Variants in HTR7 observed in about 807,000 individuals in gnomAD.
HTR7 encodes the protein 5-hydroxytryptamine receptor 7.
In HTR7, 16 loss-of-function variants were observed where a neutral mutation model predicts 34.0. That is an observed-to-expected ratio of 0.47 (90% CI 0.32 to 0.71). The LOEUF (loss-of-function observed/expected upper bound fraction) is 0.71. Among genes scored for constraint, HTR7 ranks in the 30% least tolerant of loss-of-function variants. The pLI is 0.04. For missense variants in HTR7, 504 were observed against 625.5 expected (o/e 0.81, Z 2.07); for synonymous variants, 265 against 260.2 (o/e 1.02, Z -0.18).
intron 1 of HTR7, among the ~76,000 whole-genome samples, chr10:90,777,947 CT>C (rs1412885104): frequency 6.6e-6 from 1 of 152,200 alleles, no homozygotes; most frequent in Non-Finnish European, 1.5e-5. Flanking sequence ...TCATCTCTTC[CT>C]CTTCTGTCCA....
chr10:90,857,890 T>G lies in HTR7; in HGVS notation c.-219A>C, dbSNP rs1259166837. On this transcript the variant is annotated 5_prime_UTR_variant, in exon 1 of 4. Transcript: ENST00000336152. This position sits in a 1 kb window ranked among gnomAD's most constrained non-coding sequence, Gnocchi z 6.5. ...GCAGCGCGGCCTCACGGGGACTCCC[T>G]GCGGGAGGCGCTTCGGCCCCCGACG... Among the ~76,000 whole-genome samples the G allele has an allele frequency of 6.6e-6, 1 of 151,234 alleles. No homozygotes were observed. Among genetic ancestry groups the G allele is most frequent in the African/African-American group, 2.4e-5 (1 of 41,310 alleles).
In HTR7 at chr10:90,780,516, G is replaced by A. The variant is rs577223517; in HGVS notation, c.540-30922C>T. ...CGTGGCACTGCACTCTAGCCTGGGCGACAGAGTGAGACTCCATCTCAAAAA... is the reference window on the plus strand; with the variant it reads ...CGTGGCACTGCACTCTAGCCTGGGCAACAGAGTGAGACTCCATCTCAAAAA... On this transcript the variant is annotated intron_variant, in intron 1 of 3. Coordinates refer to ENST00000336152, the MANE Select transcript of HTR7 (RefSeq NM_019859.4). 3.5e-5 allele frequency among the ~76,000 whole-genome samples: 5 copies of A among 140,966 alleles called. 1 individual carries two copies. The South Asian group carries it at 6.7e-4, about 19-fold the overall frequency. 92.5% of individuals were successfully genotyped at this position (140,966 alleles called of 152,430 possible).
intron 1 of HTR7, among the ~76,000 whole-genome samples, chr10:90,751,002 A>G (rs1215348079): frequency 6.6e-6 from 1 of 152,170 alleles, no homozygotes; most frequent in African/African-American, 2.4e-5. Context: ...ATCATGTCAG[A>G]TGAAGGGGAA....
rs17099478 is a variant in HTR7, at chr10:90,753,130, A to G, written c.540-3536T>C. On this transcript the variant is annotated intron_variant, in intron 1 of 3. Transcript: ENST00000336152. ...ATATTCACAGATTTCCTACAGGTCA[A>G]TACAAAACACAGCCATCCCATAGTA... Among the ~76,000 whole-genome samples the G allele has an allele frequency of 1.5e-3, 226 of 152,346 alleles. 3 individuals are homozygous for G. The East Asian group carries it at 0.033, about 22-fold the overall frequency.
At chr10:90,773,000 C>T (rs543292309) in intron 1 of HTR7, among the ~76,000 whole-genome samples, 9 of 152,288 alleles carry the variant, frequency 5.9e-5, no homozygotes, top group African/African-American at 2.2e-4. Flanking sequence ...TTCCTCTTAA[C>T]CAATACACAC....
chr10:90,819,986 T>A (rs1845953642), intron 1 of HTR7, among the ~76,000 whole-genome samples: 1 of 152,212 alleles, frequency 6.6e-6, no homozygotes. Flanking sequence ...TAAATGCTCT[T>A]AAGTAAATTT....
intron 1 of HTR7, among the ~76,000 whole-genome samples, chr10:90,853,162 G>A (rs577632989): frequency 5.3e-5 from 8 of 151,362 alleles, no homozygotes; most frequent in East Asian, 2.0e-4. Context: ...TGAATTTGGC[G>A]TCAACCACTC....
chr10:90,765,163 C>T (rs1177142670), intron 1 of HTR7, among the ~76,000 whole-genome samples: 1 of 152,076 alleles, frequency 6.6e-6, no homozygotes, highest in East Asian at 1.9e-4. Context: ...TGGCTCTGGA[C>T]TTTAGTTTGT....
chr10:90,802,401 A>G (rs1424753592), intron 1 of HTR7, among the ~76,000 whole-genome samples: 1 of 152,158 alleles, frequency 6.6e-6, no homozygotes, highest in Non-Finnish European at 1.5e-5. Context: ...GCTTAAGTCT[A>G]TTTCTGAGAG....
At chr10:90,754,424 T>G (rs1844797671) in intron 1 of HTR7, among the ~76,000 whole-genome samples, 1 of 152,160 alleles carries the variant, frequency 6.6e-6, no homozygotes, top group East Asian at 1.9e-4. Context: ...TAGACTGATT[T>G]TTAACATTCC....
intron 1 of HTR7, among the ~76,000 whole-genome samples, chr10:90,773,836 T>C (rs1214504774): frequency 1.3e-5 from 2 of 152,208 alleles, no homozygotes; most frequent in African/African-American, 4.8e-5. Flanking sequence ...CCACATTTCC[T>C]TTATCCATTT....
chr10:90,806,085 C>A (rs373413896), intron 1 of HTR7, among the ~76,000 whole-genome samples: 3 of 151,760 alleles, frequency 2.0e-5, no homozygotes, highest in East Asian at 1.9e-4. Context: ...AACTAAGATG[C>A]GTTTTGGTAA....
intron 1 of HTR7, among the ~76,000 whole-genome samples, chr10:90,751,563 G>A (rs555653672): frequency 6.6e-6 from 1 of 152,222 alleles, no homozygotes; most frequent in South Asian, 2.1e-4. Context: ...GCAGGTAGAG[G>A]TTACTTTACA....
chr10:90,821,985 C>A (rs1056267781), intron 1 of HTR7, among the ~76,000 whole-genome samples: 4 of 152,158 alleles, frequency 2.6e-5, no homozygotes, highest in African/African-American at 9.7e-5. Context: ...GTCAATTAAA[C>A]CTCTTTTCTG....
chr10:90,830,949 A>T (rs1846160033), intron 1 of HTR7, among the ~76,000 whole-genome samples: 1 of 152,262 alleles, frequency 6.6e-6, no homozygotes, highest in African/African-American at 2.4e-5. Context: ...ACAAGAGGTC[A>T]GTCCGGTGCA....
chr10:90,807,276 G>A (rs1486147569), intron 1 of HTR7, among the ~76,000 whole-genome samples: 4 of 152,128 alleles, frequency 2.6e-5, no homozygotes, highest in African/African-American at 9.7e-5. Flanking sequence ...TGGGCACGGT[G>A]GATCACACCT....
chr10:90,802,145 C>T (rs928666020), intron 1 of HTR7, among the ~76,000 whole-genome samples: 1 of 152,100 alleles, frequency 6.6e-6, no homozygotes, highest in African/African-American at 2.4e-5. Flanking sequence ...TCGCTGTGGG[C>T]TCCTGAGAGG....
chr10:90,769,730 GA>G (rs1845077782), intron 1 of HTR7, among the ~76,000 whole-genome samples: 1 of 151,868 alleles, frequency 6.6e-6, no homozygotes, highest in African/African-American at 2.4e-5. Context: ...TTCCAACCTA[GA>G]AAAGGAATTT....
chr10:90,830,366 A>T (rs1846148074), intron 1 of HTR7, among the ~76,000 whole-genome samples: 1 of 152,246 alleles, frequency 6.6e-6, no homozygotes, highest in Non-Finnish European at 1.5e-5. Flanking sequence ...TAAATTTGTA[A>T]CCAGATGAAA....
Sources: gnomAD v4.1 joint callset for allele counts (sites outside exome capture counted in the v4.1 genomes callset) on GRCh38, gnomAD v4.1.1 for gene constraint, Gnocchi (gnomAD v3.1) non-coding constraint, MANE v1.5 for transcripts, NCBI Gene and HGNC (gene_info 2026-07-23, HGNC 2026-07-21) for gene names.